The following TSHZ2 variants were observed in gnomAD, a reference collection of about 807,000 sequenced individuals.
TSHZ2 encodes teashirt zinc finger homeobox 2.
TSHZ2 carries 21 observed loss-of-function variants against 74.4 expected under a neutral mutation model. The ratio of observed to expected loss-of-function variants is 0.28; its 90% CI spans 0.20 to 0.41. The LOEUF (loss-of-function observed/expected upper bound fraction) is 0.41. Ranked by LOEUF, TSHZ2 falls within the 10% of genes least tolerant of loss-of-function variation. TSHZ2 has a pLI of 1.00. For synonymous variants in TSHZ2, 540 were observed against 515.3 expected (o/e 1.05, Z -0.65); for missense variants, 1,244 against 1,293.5 (o/e 0.96, Z 0.59).
At chr20:53,375,443 C>T (rs923689449) in intron 2 of TSHZ2, among the ~76,000 whole-genome samples, 3 of 152,108 alleles carry the variant, frequency 2.0e-5, no homozygotes, top group Non-Finnish European at 2.9e-5. Flanking sequence ...TACTTATTCC[C>T]CAAATGAAAT....
At chr20:53,287,843 TA>T (rs1487669655) in intron 2 of TSHZ2, among the ~76,000 whole-genome samples, 2 of 152,226 alleles carry the variant, frequency 1.3e-5, no homozygotes, top group African/African-American at 4.8e-5. Flanking sequence ...TTAAAACTTT[TA>T]ATGACTCAGC....
At chr20:53,107,640 G>A (rs940963334) in intron 1 of TSHZ2, among the ~76,000 whole-genome samples, 3 of 152,232 alleles carry the variant, frequency 2.0e-5, no homozygotes, top group African/African-American at 7.2e-5. Flanking sequence ...AACCTGTGGA[G>A]AGTAGTTGTC....
In TSHZ2 at chr20:52,972,657, T is replaced by A. The variant is rs1981153734; in HGVS notation, c.-637T>A. The A allele has an allele frequency of 1.4e-5, 2 of 143,194 alleles. No individual in the cohort carries two copies. Among genetic ancestry groups the A allele is most frequent in the Admixed American group, 7.3e-5 (1 of 13,786 alleles). The allele number at this position is 143,194 out of a possible 1,614,324, so 8.9% of individuals were successfully genotyped here. On this transcript the variant is annotated 5_prime_UTR_variant, in exon 1 of 3. Coordinates refer to ENST00000371497, the MANE Select transcript of TSHZ2 (RefSeq NM_173485.6). ...GCAGCCACAAACCTACAGTGAGTGA[T>A]CGCTCTCCCCCCGGCACGAATCCGC...
At chr20:53,037,116 T>C (rs974395101) in intron 1 of TSHZ2, among the ~76,000 whole-genome samples, 4 of 152,164 alleles carry the variant, frequency 2.6e-5, no homozygotes, top group Admixed American at 1.3e-4. Flanking sequence ...GTCAGTTAAA[T>C]AAGATTCTTT....
At chr20:53,275,654 A>G (rs1990929952) in intron 2 of TSHZ2, among the ~76,000 whole-genome samples, 2 of 152,216 alleles carry the variant, frequency 1.3e-5, no homozygotes, top group South Asian at 4.1e-4. Context: ...TTGCCTGGGC[A>G]CGCTGGCTCA....
chr20:53,340,184 C>T (rs200611), intron 2 of TSHZ2, among the ~76,000 whole-genome samples: 65,689 of 110,730 alleles, frequency 0.59, 20,948 homozygotes, highest in African/African-American at 0.79. Flanking sequence ...TTTCTTTTTT[C>T]TTTTTTTTTT....
chr20:53,412,691 CCTGA>C (rs562121544), intron 2 of TSHZ2: 106 of 152,544 alleles, frequency 6.9e-4, no homozygotes, highest in South Asian at 3.1e-3. Flanking sequence ...ACCTTCAGCC[CCTGA>C]CTAAGGGACA....
chr20:53,014,290 C>T (rs1982957716), intron 1 of TSHZ2, among the ~76,000 whole-genome samples: 1 of 152,106 alleles, frequency 6.6e-6, no homozygotes. Flanking sequence ...GGATTCCACC[C>T]TTGTGACCTA....
intron 1 of TSHZ2, among the ~76,000 whole-genome samples, chr20:53,223,898 AACAC>A (rs71675648): frequency 0.011 from 1,582 of 144,228 alleles, 11 homozygotes; most frequent in South Asian, 0.022. Flanking sequence ...TACAGGACTA[AACAC>A]ACACACACAC....
At chr20:53,368,362 T>A (rs1981349724) in intron 2 of TSHZ2, among the ~76,000 whole-genome samples, 1 of 152,290 alleles carries the variant, frequency 6.6e-6, no homozygotes, top group East Asian at 1.9e-4. Flanking sequence ...CAGGCTGGTG[T>A]GCAGTGGTGT....
At chr20:53,318,627 G>A (rs1387907952) in intron 2 of TSHZ2, among the ~76,000 whole-genome samples, 1 of 152,196 alleles carries the variant, frequency 6.6e-6, no homozygotes, top group Admixed American at 6.5e-5. Flanking sequence ...ACACAATGTA[G>A]CTTCCCTGGG....
chr20:53,118,715 C>T (rs2123344342), intron 1 of TSHZ2, among the ~76,000 whole-genome samples: 1 of 152,238 alleles, frequency 6.6e-6, no homozygotes, highest in East Asian at 1.9e-4. Flanking sequence ...AAGCTGTAAG[C>T]AGCCAGCAGC....
chr20:53,033,650 G>C (rs373247886), intron 1 of TSHZ2, among the ~76,000 whole-genome samples: 11 of 60,550 alleles, frequency 1.8e-4, no homozygotes, highest in African/African-American at 8.3e-4. Context: ...TTGATAAAAA[G>C]CTTTTTTTTT....
chr20:53,404,829 A>G (rs932382779), intron 2 of TSHZ2, among the ~76,000 whole-genome samples: 67 of 150,544 alleles, frequency 4.5e-4, no homozygotes, highest in African/African-American at 1.6e-3. Context: ...CTACACCTGC[A>G]TTGATCACTG....
chr20:53,452,761 T>C (rs1443759005), intron 2 of TSHZ2, among the ~76,000 whole-genome samples: 4 of 152,314 alleles, frequency 2.6e-5, no homozygotes, highest in South Asian at 2.1e-4. Context: ...AGGAGGTACA[T>C]GTTTCTTCCA....
At chr20:53,420,502 A>G (rs1983430121) in intron 2 of TSHZ2, among the ~76,000 whole-genome samples, 1 of 152,226 alleles carries the variant, frequency 6.6e-6, no homozygotes, top group African/African-American at 2.4e-5. Flanking sequence ...CAAAGCGGGC[A>G]GATCACGAGG....
At chr20:53,295,775 G>GGTTAAAAAGTGTTAGTGGGAT (rs1297897519) in intron 2 of TSHZ2, among the ~76,000 whole-genome samples, 3 of 152,138 alleles carry the variant, frequency 2.0e-5, no homozygotes, top group Admixed American at 2.0e-4. Context: ...TGGGACAAGA[G>GGTTAAAAAGTGTTAGTGGGAT]GTTAAAAAGT....
intron 2 of TSHZ2, among the ~76,000 whole-genome samples, chr20:53,486,652 T>C (rs1040989040): frequency 1.3e-5 from 2 of 152,178 alleles, no homozygotes; most frequent in African/African-American, 4.8e-5. Flanking sequence ...TGCACAAGTA[T>C]AGCGACAAAG....
chr20:53,277,623 C>T (rs540333659), intron 2 of TSHZ2, among the ~76,000 whole-genome samples: 9 of 152,286 alleles, frequency 5.9e-5, no homozygotes, highest in African/African-American at 1.4e-4. Flanking sequence ...AAATGGCAAA[C>T]GTGGACCAGC....
Sources: gnomAD v4.1 joint callset for allele counts (sites outside exome capture counted in the v4.1 genomes callset) on GRCh38, gnomAD v4.1.1 for gene constraint, MANE v1.5 for transcripts, NCBI Gene and HGNC (gene_info 2026-07-23, HGNC 2026-07-21) for gene names.